The following SOX5 variants were observed in gnomAD, a reference collection of about 807,000 sequenced individuals.
SOX5 encodes transcription factor SOX-5.
In SOX5, 9 loss-of-function variants were observed where a neutral mutation model predicts 92.0. The observed-to-expected ratio is 0.10, with a 90% CI of 0.06 to 0.17. The LOEUF (loss-of-function observed/expected upper bound fraction) is 0.17. SOX5 is among the 10% of genes least tolerant of loss of function. The pLI, the probability that SOX5 is intolerant of heterozygous loss-of-function variation, is 1.00. For missense variants in SOX5, 642 were observed against 944.5 expected (o/e 0.68, Z 4.20); for synonymous variants, 344 against 336.3 (o/e 1.02, Z -0.25).
intron 8 of SOX5, among the ~76,000 whole-genome samples, chr12:23,606,155 G>T (rs1053779940): frequency 6.6e-6 from 1 of 151,644 alleles, no homozygotes; most frequent in African/African-American, 2.4e-5. Context: ...CTTCTTTCTG[G>T]CATCATTCTA....
At chr12:24,055,666 A>C (rs1958018265) in intron 4 of SOX5, among the ~76,000 whole-genome samples, 1 of 152,270 alleles carries the variant, frequency 6.6e-6, no homozygotes, top group South Asian at 2.1e-4. Flanking sequence ...CTTTCAAAAT[A>C]AATGGGTGAT....
At chr12:24,154,103 C>T (rs1951926031) in intron 4 of SOX5, among the ~76,000 whole-genome samples, 1 of 152,126 alleles carries the variant, frequency 6.6e-6, no homozygotes, top group Non-Finnish European at 1.5e-5. Flanking sequence ...TGAGATTCTT[C>T]TTCCTCTAGA....
intron 9 of SOX5, among the ~76,000 whole-genome samples, chr12:23,596,778 G>T (rs1432934132): frequency 2.0e-5 from 3 of 152,106 alleles, no homozygotes; most frequent in African/African-American, 7.2e-5. Flanking sequence ...AGCATTTTTA[G>T]CTATGATGTT....
chr12:24,557,745 A>C (rs1306572106), intron 1 of SOX5, among the ~76,000 whole-genome samples: 1 of 152,218 alleles, frequency 6.6e-6, no homozygotes, highest in African/African-American at 2.4e-5. Context: ...TCAGAGATAC[A>C]ATCAGGTCTT....
rs560101855 is a variant in SOX5 at position 24,118,025 on chromosome 12, A to C, written c.-2+95318T>G. Among the ~76,000 whole-genome samples, 53 of 150,212 alleles carry C rather than the reference A, an allele frequency of 3.5e-4. 1 individual carries two copies. The highest frequency in any genetic ancestry group is 1.1e-3 in the African/African-American group (44 of 40,278). On this transcript the variant is annotated intron_variant, in intron 4 of 4. Transcript: ENST00000446891. The stretch of plus-strand genomic sequence containing the variant: ...CAGAGCGAGACTCTCATTCAAAAAA[A>C]AAAAAAAAAAAAAGAAAAAAAAAAT...
At chr12:24,229,457 CA>C (rs1370928502) in intron 3 of SOX5, among the ~76,000 whole-genome samples, 2 of 152,094 alleles carry the variant, frequency 1.3e-5, no homozygotes, top group Non-Finnish European at 2.9e-5. Flanking sequence ...CAAAGGCCAT[CA>C]AAACCCAGGC....
intron 2 of SOX5, among the ~76,000 whole-genome samples, chr12:23,878,771 T>A (rs890658374): frequency 6.6e-6 from 1 of 152,118 alleles, no homozygotes; most frequent in African/African-American, 2.4e-5. Flanking sequence ...GCTTTGTTGG[T>A]AGAAAATACT....
At chr12:24,522,436 C>G (rs1950343282) in intron 1 of SOX5, among the ~76,000 whole-genome samples, 1 of 152,016 alleles carries the variant, frequency 6.6e-6, no homozygotes, top group African/African-American at 2.4e-5. Context: ...CAGCATTACC[C>G]TGACAAAGCC....
At chr12:23,867,664 G>T (rs2096829094) in intron 2 of SOX5, among the ~76,000 whole-genome samples, 1 of 151,996 alleles carries the variant, frequency 6.6e-6, no homozygotes, top group African/African-American at 2.4e-5. Context: ...TTGTACTACT[G>T]CCTGACACTG....
chr12:24,344,088 T>G (rs1240217614), intron 2 of SOX5, among the ~76,000 whole-genome samples: 1 of 151,818 alleles, frequency 6.6e-6, no homozygotes, highest in African/African-American at 2.4e-5. Flanking sequence ...ATTGAGGCCA[T>G]CCTGACCAAC....
chr12:23,754,225 G>T (rs528219070), intron 4 of SOX5, among the ~76,000 whole-genome samples: 1 of 151,708 alleles, frequency 6.6e-6, no homozygotes, highest in African/African-American at 2.4e-5. Flanking sequence ...GGGAAAAAAC[G>T]TTTGTCCTCC....
intron 1 of SOX5, among the ~76,000 whole-genome samples, chr12:24,491,880 T>G (rs963599317): frequency 1.3e-5 from 2 of 152,116 alleles, no homozygotes; most frequent in Non-Finnish European, 2.9e-5. Context: ...TTTGGTTTTG[T>G]TTTGTTTTGT....
intron 1 of SOX5, among the ~76,000 whole-genome samples, chr12:24,520,458 C>A (rs1189631596): frequency 6.6e-6 from 1 of 150,784 alleles, no homozygotes; most frequent in Admixed American, 6.6e-5. Context: ...CTCAAGCTAA[C>A]TACAAAGAAA....
chr12:23,837,247 A>ATATTTATATTTATATAATATATAATATG (rs1417707514), intron 3 of SOX5, among the ~76,000 whole-genome samples: 3 of 76,514 alleles, frequency 3.9e-5, no homozygotes, highest in African/African-American at 1.1e-4. Flanking sequence ...TATATAATAT[A>ATATTTATATTTATATAATATATAATATG]TATTTATATT....
At chr12:23,536,144 T>C (rs983101458) in intron 14 of SOX5, among the ~76,000 whole-genome samples, 1 of 152,246 alleles carries the variant, frequency 6.6e-6, no homozygotes, top group Non-Finnish European at 1.5e-5. Context: ...TAGGAAGTAA[T>C]GCAAACCAAT....
At chr12:24,243,834 C>A (rs777362955) in intron 3 of SOX5, among the ~76,000 whole-genome samples, 3 of 152,232 alleles carry the variant, frequency 2.0e-5, no homozygotes, top group Non-Finnish European at 4.4e-5. Context: ...CTCCACCTAA[C>A]TACATGTGGA....
At chr12:24,379,120 G>T (rs928984391) in intron 1 of SOX5, among the ~76,000 whole-genome samples, 2 of 152,154 alleles carry the variant, frequency 1.3e-5, no homozygotes, top group African/African-American at 4.8e-5. Context: ...AATAATTTAT[G>T]CACCCTCTCT....
chr12:24,283,300 G>A (rs1945438198), intron 2 of SOX5, among the ~76,000 whole-genome samples: 1 of 152,202 alleles, frequency 6.6e-6, no homozygotes, highest in South Asian at 2.1e-4. Flanking sequence ...GCCAAGAGAA[G>A]TCTTCACAGG....
intron 4 of SOX5, among the ~76,000 whole-genome samples, chr12:24,055,783 G>GA (rs1958030998): frequency 6.6e-6 from 1 of 152,078 alleles, no homozygotes; most frequent in African/African-American, 2.4e-5. Flanking sequence ...ACAATGAAAA[G>GA]AAAAACTAGT....
Sources: allele counts gnomAD v4.1 joint callset (sites outside exome capture counted in the v4.1 genomes callset), GRCh38; gene constraint gnomAD v4.1.1; transcripts MANE v1.5; gene names NCBI Gene and HGNC (gene_info 2026-07-23, HGNC 2026-07-21).